The following NRXN2 variants were observed in gnomAD, a reference collection of about 807,000 sequenced individuals.
The protein encoded by NRXN2 is neurexin 2.
NRXN2 carries 29 observed loss-of-function variants against 128.8 expected under a neutral mutation model. The observed-to-expected ratio is 0.23, with a 90% CI of 0.17 to 0.31. The LOEUF (loss-of-function observed/expected upper bound fraction) is 0.31, where lower values mean the gene tolerates loss of function less well. Ranked by LOEUF, NRXN2 falls within the 10% of genes least tolerant of loss-of-function variation. The pLI is 1.00. For missense variants in NRXN2, 1,881 were observed against 2,452.6 expected, an observed-to-expected ratio of 0.77 and a Z score of 4.92; for synonymous variants, 1,098 against 1,075.2, an observed-to-expected ratio of 1.02 and a Z score of -0.41.
intron 4 of NRXN2, among the ~76,000 whole-genome samples, chr11:64,691,915 C>A (rs868026692): frequency 6.6e-6 from 1 of 152,224 alleles, no homozygotes; most frequent in East Asian, 1.9e-4. Context: ...ATGACCCCCC[C>A]ACAGAGGGCT....
At chr11:64,669,903 C>T (rs512926) in intron 7 of NRXN2, among the ~76,000 whole-genome samples, 10,778 of 152,210 alleles carry the variant, frequency 0.071, 1,272 homozygotes, top group African/African-American at 0.24. Flanking sequence ...ATTTCTCTTT[C>T]GGGAACAGTC....
rs761079411 is a variant in NRXN2, at chr11:64,607,843, C to T, written c.4492G>A (p.Gly1498Arg). 3.1e-6 allele frequency: 5 copies of T among 1,599,530 alleles called. No homozygotes were observed. Among genetic ancestry groups the T allele is most frequent in the Non-Finnish European group, 4.3e-6 (5 of 1,173,720 alleles). Reference sequence around the variant, plus strand: ...GGGAGGCTGGAGTCAAAGACCTCCCCGGAGGCGAAGCCCGAGGCCTCGATG... The same window carrying T: ...GGGAGGCTGGAGTCAAAGACCTCCCTGGAGGCGAAGCCCGAGGCCTCGATG... ...EPIEASGFAS[G>R]EVFDSSLPPT... The change falls in exon 23 of 23, where the codon GGG (glycine) becomes AGG (arginine). Residue 1498 changes from glycine (G) to arginine (R), a missense_variant. Transcript: ENST00000265459.
intron 11 of NRXN2, among the ~76,000 whole-genome samples, chr11:64,655,642 G>A (rs1215759926): frequency 2.6e-5 from 4 of 152,138 alleles, no homozygotes; most frequent in Admixed American, 2.6e-4. Flanking sequence ...CCCCAGCAAG[G>A]GAGCACCAGG....
In NRXN2 at chr11:64,686,502, C is replaced by A. The variant is rs752946681; in HGVS notation, c.851-555G>T. ...AATAGGCCTGTTGTGCAGCAAGGAG[C>A]AGATGAGGAGAATGGGAGGTGGGGG... is the stretch of plus-strand genomic sequence containing the variant. On this transcript the variant is annotated intron_variant, in intron 5 of 22. Coordinates refer to ENST00000265459, the MANE Select transcript of NRXN2 (RefSeq NM_015080.4). 9.2e-5 allele frequency among the ~76,000 whole-genome samples: 14 copies of A among 152,160 alleles called. No homozygotes were observed. The East Asian group carries it at 2.3e-3, about 25-fold the overall frequency.
intron 19 of NRXN2, among the ~76,000 whole-genome samples, chr11:64,629,535 C>T (rs1208420427): frequency 6.6e-6 from 1 of 152,136 alleles, no homozygotes; most frequent in East Asian, 1.9e-4. Context: ...CTCTGCCTCC[C>T]TCAATATCTT....
intron 17 of NRXN2, chr11:64,643,227 C>A (rs1372542857): frequency 5.1e-6 from 5 of 980,064 alleles, no homozygotes; most frequent in African/African-American, 1.8e-5. Flanking sequence ...CGGGGCGGTG[C>A]GGGCTGGAGG....
chr11:64,607,865 G>T lies in NRXN2; in HGVS notation c.4470C>A (p.Ile1490=). 1.3e-6 allele frequency: 2 copies of T among 1,593,068 alleles called. No homozygotes were observed. Among genetic ancestry groups the T allele is most frequent in the Non-Finnish European group, 1.7e-6 (2 of 1,170,584 alleles). The stretch of plus-strand genomic sequence containing the variant: ...CCCCGGAGGCGAAGCCCGAGGCCTC[G>T]ATGGGCTCCTCGCAGTCGCTGTCGT... ...ERDDSDCEEP[I]EASGFASGEV... The change falls in exon 23 of 23, where the codon ATC becomes ATA. Residue 1490 remains isoleucine (I), a synonymous_variant. Coordinates refer to ENST00000265459, the MANE Select transcript of NRXN2 (RefSeq NM_015080.4).
intron 6 of NRXN2, among the ~76,000 whole-genome samples, chr11:64,681,054 G>C (rs1164394850): frequency 7.0e-6 from 1 of 143,578 alleles, no homozygotes; most frequent in African/African-American, 2.6e-5. Flanking sequence ...CTGAGACTGC[G>C]CCACTGCACT....
rs1483016193 is a variant in NRXN2 at position 64,630,099 on chromosome 11, C to A, written c.3757+303G>T. Among the ~76,000 whole-genome samples, 1 of 151,802 alleles carries A rather than the reference C, an allele frequency of 6.6e-6. No homozygotes were observed. The highest frequency in any genetic ancestry group is 1.5e-5 in the Non-Finnish European group (1 of 67,920). On this transcript the variant is annotated intron_variant, in intron 19 of 22. Coordinates refer to ENST00000265459, the MANE Select transcript of NRXN2 (RefSeq NM_015080.4). The surrounding 1 kb of genome is among the most constrained non-coding windows in gnomAD (Gnocchi z 4.6). ...CCTCACCTCTACCCTCCCTCCACTT[C>A]TCCCCCCACCCCCAAACTGGACCCT...
At chr11:64,709,252 A>T (rs2056660725) in intron 2 of NRXN2, among the ~76,000 whole-genome samples, 1 of 151,902 alleles carries the variant, frequency 6.6e-6, no homozygotes, top group Non-Finnish European at 1.5e-5. Context: ...CATTCACAAC[A>T]GATGATAAAG....
chr11:64,630,606 A>C lies in NRXN2; in HGVS notation c.3586-33T>G, dbSNP rs751451744. On this transcript the variant is annotated intron_variant, in intron 18 of 22. Transcript: ENST00000265459. The surrounding 1 kb of genome is among the most constrained non-coding windows in gnomAD (Gnocchi z 4.6). ...CATGGAGGTGGAGGTCAGCGACCAG[A>C]GGGAGCAACCATTCATCCCTTCTAG... 8.1e-6 allele frequency: 13 copies of C among 1,612,790 alleles called. No homozygotes were observed. Among genetic ancestry groups the C allele is most frequent in the Non-Finnish European group, 1.1e-5 (13 of 1,179,676 alleles).
At chr11:64,718,345 C>T (rs1410598590) in intron 1 of NRXN2, among the ~76,000 whole-genome samples, 1 of 152,210 alleles carries the variant, frequency 6.6e-6, no homozygotes, top group African/African-American at 2.4e-5. Flanking sequence ...CGGCCTCCCT[C>T]TGGCTCTCCT....
rs1435883170 is a variant in NRXN2, at chr11:64,651,862, C to A, written c.2536+173G>T. Among the ~76,000 whole-genome samples, 2 of 152,152 alleles carry A rather than the reference C, an allele frequency of 1.3e-5. No individual in the cohort carries two copies. The highest frequency in any genetic ancestry group is 2.4e-5 in the African/African-American group (1 of 41,424). ...AATGCTGCCTACAGGGAGTTGAAAT[C>A]GTTCCTGGGGTCCAGATGCCCATAA... is the stretch of plus-strand genomic sequence containing the variant. On this transcript the variant is annotated intron_variant, in intron 13 of 22. Transcript: ENST00000265459. This position sits in a 1 kb window ranked among gnomAD's most constrained non-coding sequence, Gnocchi z 5.9.
At chr11:64,692,988 G>A in intron 3 of NRXN2, 112 bp from the exon 4 acceptor site, 3 of 913,636 alleles carry the variant, frequency 3.3e-6, no homozygotes, top group Admixed American at 2.5e-5. Context: ...CAGAGAGAAG[G>A]GAGAAAAAAG....
chr11:64,685,859 C>A lies in NRXN2; in HGVS notation c.939G>T (p.Glu313Asp). Residue 313 changes from glutamate (E) to aspartate (D), a missense_variant, in exon 6 of 23, where the codon GAG becomes GAT. Physicochemically the swap from Glu to Asp is conservative, Grantham distance 45. This residue lies in a region of NRXN2 where 997 missense variants were observed against 1,240.8 expected (regional missense o/e 0.80). Coordinates refer to ENST00000265459, the MANE Select transcript of NRXN2 (RefSeq NM_015080.4). Reference protein sequence around the residue: ...SHNPIQSSTDEITLAFRTLQR... With the variant: ...SHNPIQSSTDDITLAFRTLQR... ...GCAGGGTGCGGAAGGCCAGTGTGAT[C>A]TCATCAGTGCTGCTCTGGATGGGGT... is the stretch of plus-strand genomic sequence containing the variant. The A allele has an allele frequency of 3.1e-6, 5 of 1,614,226 alleles. No homozygotes were observed. Among genetic ancestry groups the A allele is most frequent in the Non-Finnish European group, 4.2e-6 (5 of 1,180,048 alleles).
intron 11 of NRXN2, among the ~76,000 whole-genome samples, chr11:64,654,482 G>A (rs1469216257): frequency 2.6e-5 from 4 of 152,228 alleles, no homozygotes; most frequent in African/African-American, 7.2e-5. Flanking sequence ...ACACAAAGCA[G>A]TTGGGGACAA....
chr11:64,646,846 G>A (rs1006914633), intron 17 of NRXN2, among the ~76,000 whole-genome samples: 1 of 152,226 alleles, frequency 6.6e-6, no homozygotes, highest in East Asian at 1.9e-4. Context: ...ATTGTCTGGA[G>A]GCTTTGGAAG....
intron 1 of NRXN2, among the ~76,000 whole-genome samples, chr11:64,720,596 G>A (rs1022996078): frequency 6.6e-6 from 1 of 152,208 alleles, no homozygotes; most frequent in Non-Finnish European, 1.5e-5. Flanking sequence ...AAGGTACAAA[G>A]ATAAGTGAGT....
chr11:64,611,573 G>C (rs1421941944), intron 22 of NRXN2, among the ~76,000 whole-genome samples: 1 of 152,202 alleles, frequency 6.6e-6, no homozygotes, highest in African/African-American at 2.4e-5. Context: ...GCTGTCCCCA[G>C]CCAGGCTAGG....
Sources: allele counts gnomAD v4.1 joint callset (sites outside exome capture counted in the v4.1 genomes callset), GRCh38; gene constraint gnomAD v4.1.1; regional missense constraint gnomAD v4.1.1; non-coding constraint Gnocchi (gnomAD v3.1); transcripts MANE v1.5; gene names NCBI Gene and HGNC (gene_info 2026-07-23, HGNC 2026-07-21).